PALM2AKAP2: variants seen among roughly 807,000 people sequenced by gnomAD.
The protein encoded by PALM2AKAP2 is PALM2 and AKAP2 fusion, also known as PALM2-AKAP2 fusion protein.
A neutral mutation model predicts 71.5 loss-of-function variants in PALM2AKAP2; 37 were observed. The ratio of observed to expected loss-of-function variants is 0.52; its 90% CI spans 0.40 to 0.68. PALM2AKAP2 has a LOEUF of 0.68. PALM2AKAP2 is among the 30% of genes least tolerant of loss of function. PALM2AKAP2 has a pLI of 0.00. For missense variants in PALM2AKAP2, 1,224 were observed against 1,191.8 expected (o/e 1.03, Z -0.40); for synonymous variants, 468 against 478.8 (o/e 0.98, Z 0.29).
chr9:110,067,671 A>G lies in PALM2AKAP2; in HGVS notation c.156+18816A>G, dbSNP rs186654349. Among the ~76,000 whole-genome samples, 609 of 152,364 alleles carry G rather than the reference A, an allele frequency of 4.0e-3. 6 individuals carry two copies. Among genetic ancestry groups the G allele is most frequent in the African/African-American group, 0.014 (573 of 41,582 alleles). ...GCTGTAAACATTGTGAGAGACAAAAAGTATCAAGGTCTCAACTTTCTTTCG... is the reference window on the plus strand; with the variant it reads ...GCTGTAAACATTGTGAGAGACAAAAGGTATCAAGGTCTCAACTTTCTTTCG... On this transcript the variant is annotated intron_variant, in intron 1 of 3. Transcript: ENST00000374525.
intron 1 of PALM2AKAP2, among the ~76,000 whole-genome samples, chr9:109,680,196 T>C (rs2118514667): frequency 6.6e-6 from 1 of 152,316 alleles, no homozygotes; most frequent in African/African-American, 2.4e-5. Context: ...TATATATGGT[T>C]TGGTTTTGAT....
intron 1 of PALM2AKAP2, among the ~76,000 whole-genome samples, chr9:109,802,047 A>G (rs1827446075): frequency 1.3e-5 from 2 of 152,190 alleles, no homozygotes; most frequent in Non-Finnish European, 2.9e-5. Context: ...CTCAGTCAAA[A>G]TGCTGCTTTG....
chr9:109,963,610 C>T (rs565505980), intron 6 of PALM2AKAP2, among the ~76,000 whole-genome samples: 1 of 152,270 alleles, frequency 6.6e-6, no homozygotes, highest in East Asian at 1.9e-4. Context: ...GGGCCCTGGG[C>T]TTTATAGGGC....
At chr9:109,935,360 A>T (rs955768896) in intron 6 of PALM2AKAP2, among the ~76,000 whole-genome samples, 1 of 152,150 alleles carries the variant, frequency 6.6e-6, no homozygotes, top group Non-Finnish European at 1.5e-5. Flanking sequence ...ACCATTAGAG[A>T]TCTCTTGGCC....
intron 7 of PALM2AKAP2, among the ~76,000 whole-genome samples, chr9:110,020,151 A>G (rs145188363): frequency 1.3e-5 from 2 of 152,220 alleles, no homozygotes; most frequent in Non-Finnish European, 2.9e-5. Context: ...ATACACTGAC[A>G]CTTTTCAAGG....
In PALM2AKAP2 at chr9:109,718,977, G is replaced by A. The variant is rs367798585; in HGVS notation, c.6-61511G>A. Among the ~76,000 whole-genome samples the A allele has an allele frequency of 1.3e-3, 200 of 151,898 alleles. 1 individual carries two copies. Among genetic ancestry groups the A allele is most frequent in the African/African-American group, 4.5e-3 (188 of 41,428 alleles). On this transcript the variant is annotated intron_variant, in intron 1 of 6. Transcript: ENST00000374531. ...TCGTACTTCTAGAGTTGAAACAGAG[G>A]AAAAAAATGCATTGTTCTGGCAAGG...
intron 1 of PALM2AKAP2, among the ~76,000 whole-genome samples, chr9:110,070,005 G>A (rs1206596503): frequency 6.6e-6 from 1 of 152,168 alleles, no homozygotes; most frequent in Non-Finnish European, 1.5e-5. Flanking sequence ...CTAAGTAATC[G>A]TGAGACCCAG....
intron 1 of PALM2AKAP2, among the ~76,000 whole-genome samples, chr9:109,709,009 A>T (rs1828184737): frequency 6.6e-6 from 1 of 152,200 alleles, no homozygotes; most frequent in African/African-American, 2.4e-5. Context: ...AGGGTTGGTC[A>T]GCAGGGATGG....
chr9:109,706,612 T>C (rs1828149154), intron 1 of PALM2AKAP2, among the ~76,000 whole-genome samples: 2 of 152,352 alleles, frequency 1.3e-5, no homozygotes, highest in African/African-American at 4.8e-5. Context: ...TCCACAAATG[T>C]TCATAGCAGC....
intron 1 of PALM2AKAP2, among the ~76,000 whole-genome samples, chr9:109,795,728 AC>A: frequency 6.6e-6 from 1 of 152,176 alleles, no homozygotes; most frequent in Non-Finnish European, 1.5e-5. Context: ...GCGGAGATTC[AC>A]TATAGTCAGG....
At chr9:110,037,904 C>T (rs1437519111) in intron 7 of PALM2AKAP2, among the ~76,000 whole-genome samples, 1 of 152,132 alleles carries the variant, frequency 6.6e-6, no homozygotes, top group East Asian at 1.9e-4. Flanking sequence ...ATTTGGGATT[C>T]ACCTGTGCAC....
At chr9:110,111,455 A>G (rs1835250339) in intron 1 of PALM2AKAP2, among the ~76,000 whole-genome samples, 1 of 152,172 alleles carries the variant, frequency 6.6e-6, no homozygotes, top group Non-Finnish European at 1.5e-5. Flanking sequence ...TGAAATGATG[A>G]CATGCTGAAT....
At chr9:109,822,621 T>C (rs545397209) in intron 1 of PALM2AKAP2, among the ~76,000 whole-genome samples, 1 of 152,298 alleles carries the variant, frequency 6.6e-6, no homozygotes, top group African/African-American at 2.4e-5. Flanking sequence ...AATGAGAACA[T>C]GTTGTGTTGG....
At chr9:109,874,374 A>G (rs530063107) in intron 2 of PALM2AKAP2, among the ~76,000 whole-genome samples, 1 of 152,372 alleles carries the variant, frequency 6.6e-6, no homozygotes, top group Non-Finnish European at 1.5e-5. Context: ...GCAAGATAGT[A>G]GAGTGTACCT....
intron 1 of PALM2AKAP2, among the ~76,000 whole-genome samples, chr9:110,094,443 A>G (rs1290641596): frequency 6.6e-6 from 1 of 152,214 alleles, no homozygotes; most frequent in East Asian, 1.9e-4. Flanking sequence ...TATAAAGACA[A>G]GAGGTTTAAC....
intron 7 of PALM2AKAP2, among the ~76,000 whole-genome samples, chr9:110,023,134 G>C (rs1380123077): frequency 6.6e-6 from 1 of 150,828 alleles, no homozygotes; most frequent in East Asian, 1.9e-4. Context: ...TCTAGTTCTA[G>C]ATCCCTGAGG....
At chr9:109,764,262 A>T (rs1378434745) in intron 1 of PALM2AKAP2, among the ~76,000 whole-genome samples, 1 of 152,088 alleles carries the variant, frequency 6.6e-6, no homozygotes, top group African/African-American at 2.4e-5. Context: ...ATGCTGAACT[A>T]GACCCAACCT....
intron 3 of PALM2AKAP2, among the ~76,000 whole-genome samples, chr9:109,898,275 A>G (rs1258443662): frequency 1.3e-5 from 2 of 152,206 alleles, no homozygotes; most frequent in Non-Finnish European, 1.5e-5. Flanking sequence ...CAAGCTCCCA[A>G]TATTTCAAGT....
chr9:109,734,827 C>G (rs1182051215), intron 1 of PALM2AKAP2, among the ~76,000 whole-genome samples: 1 of 152,112 alleles, frequency 6.6e-6, no homozygotes. Flanking sequence ...GCATTTGCAG[C>G]ACACGGAAAG....
Sources: allele counts gnomAD v4.1 joint callset (sites outside exome capture counted in the v4.1 genomes callset), GRCh38; gene constraint gnomAD v4.1.1; transcripts MANE v1.5; gene names NCBI Gene and HGNC (gene_info 2026-07-23, HGNC 2026-07-21).